The following ETV5 variants were observed in gnomAD, a reference collection of about 807,000 sequenced individuals.
ETV5 encodes the protein ETS variant transcription factor 5.
In ETV5, 10 loss-of-function variants were observed where a neutral mutation model predicts 70.0. The observed-to-expected ratio is 0.14, with a 90% CI of 0.09 to 0.24. The LOEUF (loss-of-function observed/expected upper bound fraction) is 0.24, where lower values mean the gene tolerates loss of function less well. Among genes scored for constraint, ETV5 ranks in the 10% least tolerant of loss-of-function variants. The pLI is 1.00. For missense variants in ETV5, 453 were observed against 651.2 expected, an observed-to-expected ratio of 0.70 and a Z score of 3.31; for synonymous variants, 216 against 242.2, an observed-to-expected ratio of 0.89 and a Z score of 1.01.
Position 186,065,883 on chromosome 3 carries a change from C to T in ETV5, c.840G>A (p.Gly280=), listed in dbSNP as rs1229947000. The T allele has an allele frequency of 6.2e-7, 1 of 1,613,998 alleles. No individual in the cohort carries two copies. The highest frequency in any genetic ancestry group is 1.7e-5 in the Admixed American group (1 of 60,002). ...LYEHGVPGMP[G]PPAHGFQSPM... The stretch of plus-strand genomic sequence containing the variant: ...GTGACTGGAACCCGTGTGCTGGGGG[C>T]CCTGGCATGCCCGGGACCCCATGTT... The change falls in exon 8 of 13, where the codon GGG becomes GGA. Residue 280 remains glycine (G), a synonymous_variant. Coordinates refer to ENST00000306376, the MANE Select transcript of ETV5 (RefSeq NM_004454.3).
Position 186,048,701 on chromosome 3 carries a change from C to A in ETV5, c.1471G>T (p.Ala491Ser). 1 of 1,614,160 alleles carries A rather than the reference C, an allele frequency of 6.2e-7. No homozygotes were observed. Among genetic ancestry groups the A allele is most frequent in the Non-Finnish European group, 8.5e-7 (1 of 1,180,032 alleles). Residue 491 changes from alanine (A) to serine (S), a missense_variant, in exon 13 of 13, where the codon GCT becomes TCT. By Grantham distance (99) the Ala-to-Ser change is moderately conservative. This residue lies in a region of ETV5 where 74 missense variants were observed against 95.2 expected (regional missense o/e 0.78). Coordinates refer to ENST00000306376, the MANE Select transcript of ETV5 (RefSeq NM_004454.3). ...LPLTHFEDSP[A>S]YLLDMDRCSS... ...CAGCGGTCCATGTCCAGGAGGTAAG[C>A]GGGGCTGTCTTCAAAGTGGGTCAGC...
Position 186,073,969 on chromosome 3 carries a change from G to A in ETV5, c.650+5848C>T, listed in dbSNP as rs896105583. Among the ~76,000 whole-genome samples, 7 of 151,926 alleles carry A rather than the reference G, an allele frequency of 4.6e-5. 1 individual carries two copies. The highest frequency in any genetic ancestry group is 2.0e-4 in the Admixed American group (3 of 15,258). On this transcript the variant is annotated intron_variant, in intron 7 of 12. Transcript: ENST00000306376. ...GAGCTAATCATACAACAAATAAGTTGGAAAAACAGAATAAACCCAAAGAAA... is the reference window on the plus strand; with the variant it reads ...GAGCTAATCATACAACAAATAAGTTAGAAAAACAGAATAAACCCAAAGAAA...
chr3:186,089,059 G>A (rs1714122380), intron 5 of ETV5, among the ~76,000 whole-genome samples: 1 of 152,168 alleles, frequency 6.6e-6, no homozygotes, highest in Admixed American at 6.5e-5. Context: ...TGCTCTAACA[G>A]CACTAGTGAA....
intron 7 of ETV5, among the ~76,000 whole-genome samples, chr3:186,075,196 C>G (rs1268896997): frequency 6.6e-6 from 1 of 152,216 alleles, no homozygotes; most frequent in African/African-American, 2.4e-5. Context: ...GAACATCATT[C>G]AGTCTGTCAA....
rs767462370 is a variant in ETV5 at position 186,048,636 on chromosome 3, A to C, written c.*3T>G. The C allele has an allele frequency of 6.2e-7, 1 of 1,613,970 alleles. No individual in the cohort carries two copies. The highest frequency in any genetic ancestry group is 1.1e-5 in the South Asian group (1 of 91,078). On this transcript the variant is annotated 3_prime_UTR_variant, in exon 13 of 13. Coordinates refer to ENST00000306376, the MANE Select transcript of ETV5 (RefSeq NM_004454.3). ...GGGTTTGGCCACTCCGCCACTCAGA[A>C]ACTTAGTAAGCAAAGCCTTCGGCAT... is the stretch of plus-strand genomic sequence containing the variant.
intron 5 of ETV5, among the ~76,000 whole-genome samples, chr3:186,104,046 A>G (rs774498022): frequency 1.3e-5 from 2 of 152,234 alleles, no homozygotes; most frequent in Non-Finnish European, 2.9e-5. Flanking sequence ...TTGGTCCAAA[A>G]TGAGAAATTG....
chr3:186,048,883 C>G (rs1399652955), intron 12 of ETV5, 23 bp from the exon 13 acceptor site: 2 of 1,598,650 alleles, frequency 1.3e-6, no homozygotes, highest in Non-Finnish European at 8.6e-7. Flanking sequence ...ACACACCTTA[C>G]AGGGCCCAGT....
Position 186,048,546 on chromosome 3 carries a change from G to T in ETV5, c.*93C>A. ...GATAATACTCAAAGGGCAAGCTTTA[G>T]GAACAACCAAAAACACAAACAAAAC... On this transcript the variant is annotated 3_prime_UTR_variant, in exon 13 of 13. Transcript: ENST00000306376. The T allele has an allele frequency of 8.3e-7, 1 of 1,203,042 alleles. No individual in the cohort carries two copies. The highest frequency in any genetic ancestry group is 2.3e-5 in the East Asian group (1 of 42,688). 74.5% of individuals were successfully genotyped at this position (1,203,042 alleles called of 1,614,324 possible).
chr3:186,064,152 C>G (rs1250403100), intron 9 of ETV5: 3 of 473,702 alleles, frequency 6.3e-6, no homozygotes, highest in Non-Finnish European at 1.1e-5. Flanking sequence ...AAAATGGCAG[C>G]CCTCACAGGG....
Position 186,105,774 on chromosome 3 carries a change from C to T in ETV5, c.45+50G>A. 1 of 1,611,022 alleles carries T rather than the reference C, an allele frequency of 6.2e-7. No homozygotes were observed. The highest frequency in any genetic ancestry group is 1.3e-5 in the African/African-American group (1 of 74,976). Reference sequence around the variant, plus strand: ...AGTAAAGAGGTCCACAGGGGGAAGACTCATATTGGAGAGGGAGGACAAAAC... The same window carrying T: ...AGTAAAGAGGTCCACAGGGGGAAGATTCATATTGGAGAGGGAGGACAAAAC... On this transcript the variant is annotated intron_variant, in intron 2 of 12. Coordinates refer to ENST00000306376, the MANE Select transcript of ETV5 (RefSeq NM_004454.3). This position sits in a 1 kb window ranked among gnomAD's most constrained non-coding sequence, Gnocchi z 4.5.
intron 5 of ETV5, among the ~76,000 whole-genome samples, chr3:186,089,281 A>C (rs1714126550): frequency 6.6e-6 from 1 of 152,246 alleles, no homozygotes; most frequent in Non-Finnish European, 1.5e-5. Flanking sequence ...ATGTTATCAA[A>C]TTTAGTTAGG....
chr3:186,105,237 T>G lies in ETV5; in HGVS notation c.232+68A>C, dbSNP rs143339376. On this transcript the variant is annotated intron_variant, in intron 5 of 12. Coordinates refer to ENST00000306376, the MANE Select transcript of ETV5 (RefSeq NM_004454.3). The surrounding 1 kb of genome is among the most constrained non-coding windows in gnomAD (Gnocchi z 4.5). ...CTGGCCATAGCTGAAAAAAGCATAT[T>G]CTAGACATGGATGATCTAAGACCAA... is the stretch of plus-strand genomic sequence containing the variant. 1.3e-3 allele frequency: 1,787 copies of G among 1,380,038 alleles called. 26 individuals carry two copies. The African/African-American group carries it at 0.022, about 17-fold the overall frequency. The allele number at this position is 1,380,038 out of a possible 1,614,324, so 85.5% of individuals were successfully genotyped here.
At chr3:186,066,143 A>T in intron 7 of ETV5, 71 bp from the exon 8 acceptor site, 1 of 1,363,182 alleles carries the variant, frequency 7.3e-7, no homozygotes, top group Non-Finnish European at 9.8e-7. Flanking sequence ...AGCACTGGGG[A>T]CTAGAAGTTC....
At chr3:186,078,091 T>TGGACTGGAG in intron 7 of ETV5, 1 of 1,052,154 alleles carries the variant, frequency 9.5e-7, no homozygotes, top group African/African-American at 1.7e-5. Flanking sequence ...GGGGGCTGGG[T>TGGACTGGAG]GGACTGGAGA....
At chr3:186,092,600 ATT>A (rs902377153) in intron 5 of ETV5, among the ~76,000 whole-genome samples, 2 of 142,228 alleles carry the variant, frequency 1.4e-5, no homozygotes, top group African/African-American at 2.6e-5. Flanking sequence ...ACGCAGCTAC[ATT>A]TTTTTTTTTT....
chr3:186,077,192 A>G (rs1034255143), intron 7 of ETV5, among the ~76,000 whole-genome samples: 1 of 152,224 alleles, frequency 6.6e-6, no homozygotes, highest in Non-Finnish European at 1.5e-5. Context: ...CTTTACTTCT[A>G]TCATGCAAAA....
At position 186,062,613 on chromosome 3, in the gene ETV5, C is replaced by T. The variant is rs1469439592; in HGVS notation, c.970+1804G>A. ...TCCAGCCTGGCGACAGAGCAAGACTCCGTCTCAAAAAGACAAAACAAAACC... is the reference window on the plus strand; with the variant it reads ...TCCAGCCTGGCGACAGAGCAAGACTTCGTCTCAAAAAGACAAAACAAAACC... On this transcript the variant is annotated intron_variant, in intron 9 of 12. Coordinates refer to ENST00000306376, the MANE Select transcript of ETV5 (RefSeq NM_004454.3). Among the ~76,000 whole-genome samples, 3 of 152,230 alleles carry T rather than the reference C, an allele frequency of 2.0e-5. 1 individual carries two copies. The highest frequency in any genetic ancestry group is 1.5e-5 in the Non-Finnish European group (1 of 68,012).
At chr3:186,059,338 T>C (rs1713249242) in intron 9 of ETV5, among the ~76,000 whole-genome samples, 1 of 152,224 alleles carries the variant, frequency 6.6e-6, no homozygotes, top group African/African-American at 2.4e-5. Flanking sequence ...GGCGTTGTGC[T>C]AGAAGGGAGT....
At chr3:186,068,860 A>T (rs764215579) in intron 7 of ETV5, among the ~76,000 whole-genome samples, 10 of 152,228 alleles carry the variant, frequency 6.6e-5, no homozygotes, top group Non-Finnish European at 1.5e-4. Context: ...CTATGTGTAT[A>T]AAGAAAAGCA....
Sources: gnomAD v4.1 joint callset for allele counts (sites outside exome capture counted in the v4.1 genomes callset) on GRCh38, gnomAD v4.1.1 for gene constraint, gnomAD v4.1.1 regional missense constraint, Gnocchi (gnomAD v3.1) non-coding constraint, MANE v1.5 for transcripts, NCBI Gene and HGNC (gene_info 2026-07-23, HGNC 2026-07-21) for gene names.